Variants in LSAMP observed in about 807,000 individuals in gnomAD.
The protein encoded by LSAMP is limbic system associated membrane protein, also known as limbic system-associated membrane protein.
In LSAMP, 7 loss-of-function variants were observed where a neutral mutation model predicts 38.6. The observed-to-expected ratio is 0.18, with a 90% CI of 0.10 to 0.34. The LOEUF is 0.34. Ranked by LOEUF, LSAMP falls within the 10% of genes least tolerant of loss-of-function variation. LSAMP has a pLI of 1.00. For missense variants in LSAMP, 313 were observed against 420.0 expected (o/e 0.75, Z 2.23); for synonymous variants, 154 against 166.8 (o/e 0.92, Z 0.59).
At chr3:116,153,108 A>C (rs756648791) in intron 1 of LSAMP, among the ~76,000 whole-genome samples, 1 of 152,158 alleles carries the variant, frequency 6.6e-6, no homozygotes, top group Non-Finnish European at 1.5e-5. Context: ...TAGTAGAATG[A>C]AAGTATAAAC....
At chr3:116,218,397 G>A (rs2046245215) in intron 1 of LSAMP, among the ~76,000 whole-genome samples, 1 of 152,060 alleles carries the variant, frequency 6.6e-6, no homozygotes. Context: ...TTTTTTCCTG[G>A]TTATTTGTCA....
intron 1 of LSAMP, among the ~76,000 whole-genome samples, chr3:116,349,976 A>G (rs1233502253): frequency 1.3e-5 from 2 of 152,072 alleles, no homozygotes; most frequent in African/African-American, 2.4e-5. Flanking sequence ...AAGTTGTTGA[A>G]TGTATTACAT....
intron 1 of LSAMP, among the ~76,000 whole-genome samples, chr3:116,178,243 T>C (rs1290104192): frequency 1.3e-5 from 2 of 152,218 alleles, no homozygotes; most frequent in African/African-American, 4.8e-5. Flanking sequence ...CTCAGCTTAC[T>C]GCAACCTCTG....
At chr3:116,038,469 A>T (rs1576324727) in intron 2 of LSAMP, among the ~76,000 whole-genome samples, 1 of 152,160 alleles carries the variant, frequency 6.6e-6, no homozygotes, top group African/African-American at 2.4e-5. Context: ...GGTGACCAGC[A>T]ACTTTTATTT....
At chr3:116,098,036 G>GA (rs1708262062) in intron 1 of LSAMP, among the ~76,000 whole-genome samples, 1 of 151,892 alleles carries the variant, frequency 6.6e-6, no homozygotes, top group Non-Finnish European at 1.5e-5. Flanking sequence ...CACCTGGCCA[G>GA]AAGTCTTTAT....
At chr3:115,870,382 T>C (rs1935998730) in intron 3 of LSAMP, among the ~76,000 whole-genome samples, 1 of 152,130 alleles carries the variant, frequency 6.6e-6, no homozygotes, top group Non-Finnish European at 1.5e-5. Flanking sequence ...AGAAGTAACA[T>C]TCTATGACCT....
chr3:115,860,734 A>G (rs1370546567), intron 3 of LSAMP, among the ~76,000 whole-genome samples: 1 of 152,240 alleles, frequency 6.6e-6, no homozygotes, highest in East Asian at 1.9e-4. Flanking sequence ...GGAGCTACAG[A>G]GACAGTGTAG....
At chr3:115,869,610 A>G (rs1935968658) in intron 3 of LSAMP, among the ~76,000 whole-genome samples, 1 of 152,116 alleles carries the variant, frequency 6.6e-6, no homozygotes. Context: ...TTTACTTTTG[A>G]ATATGATGAA....
chr3:115,940,047 G>T (rs1048945932), intron 3 of LSAMP, among the ~76,000 whole-genome samples: 2 of 152,122 alleles, frequency 1.3e-5, no homozygotes, highest in African/African-American at 4.8e-5. Context: ...GACCTTCGCA[G>T]TGAGTGTTAC....
intron 1 of LSAMP, among the ~76,000 whole-genome samples, chr3:116,193,663 G>A (rs918528819): frequency 6.6e-6 from 1 of 152,116 alleles, no homozygotes; most frequent in Non-Finnish European, 1.5e-5. Flanking sequence ...ATTGAAACAA[G>A]CTCAAATTCA....
chr3:115,926,065 G>GT (rs774005552), intron 3 of LSAMP, among the ~76,000 whole-genome samples: 21 of 152,122 alleles, frequency 1.4e-4, no homozygotes, highest in Non-Finnish European at 2.6e-4. Context: ...AAAAAAACAT[G>GT]TAAGGGAGTT....
intron 3 of LSAMP, among the ~76,000 whole-genome samples, chr3:115,861,345 T>A (rs1322159019): frequency 6.6e-6 from 1 of 152,044 alleles, no homozygotes; most frequent in Non-Finnish European, 1.5e-5. Flanking sequence ...AGTACTAACG[T>A]GTATTTTGAT....
At chr3:116,209,126 G>A (rs570550680) in intron 1 of LSAMP, among the ~76,000 whole-genome samples, 64 of 152,330 alleles carry the variant, frequency 4.2e-4, no homozygotes, top group African/African-American at 1.4e-3. Context: ...AAGCCGGTCC[G>A]AAAAGCGCAG....
intron 1 of LSAMP, among the ~76,000 whole-genome samples, chr3:116,123,496 A>C (rs930641917): frequency 2.1e-4 from 32 of 152,264 alleles, no homozygotes; most frequent in African/African-American, 7.5e-4. Context: ...ATGATGTAGA[A>C]GGAAGTTTGG....
chr3:116,408,217 G>C (rs1048432815), intron 1 of LSAMP, among the ~76,000 whole-genome samples: 7 of 152,014 alleles, frequency 4.6e-5, no homozygotes, highest in Admixed American at 6.6e-5. Flanking sequence ...TGGAAAATGT[G>C]ATTTATATAA....
intron 1 of LSAMP, among the ~76,000 whole-genome samples, chr3:116,412,227 G>T (rs1424567277): frequency 6.6e-6 from 1 of 151,984 alleles, no homozygotes; most frequent in Non-Finnish European, 1.5e-5. Flanking sequence ...CCAATAGCCA[G>T]AATGAACATG....
intron 3 of LSAMP, among the ~76,000 whole-genome samples, chr3:115,868,566 A>T (rs1935925846): frequency 6.6e-6 from 1 of 152,072 alleles, no homozygotes; most frequent in African/African-American, 2.4e-5. Context: ...AGGAACATGG[A>T]ATTTTCCCCT....
chr3:115,898,436 T>C (rs1331260372), intron 3 of LSAMP, among the ~76,000 whole-genome samples: 2 of 152,004 alleles, frequency 1.3e-5, no homozygotes, highest in African/African-American at 4.8e-5. Flanking sequence ...CAGATTTTTC[T>C]TTTTGTTTTG....
rs1234185257 is a variant in LSAMP, at chr3:116,025,084, TTTTTCAAAATCACTGTAATATTGA to T, written c.389-5468_389-5445del. Among the ~76,000 whole-genome samples the T allele has an allele frequency of 3.7e-4, 56 of 152,042 alleles. 1 individual carries two copies. The highest frequency in any genetic ancestry group is 1.3e-4 in the Non-Finnish European group (9 of 67,938). On this transcript the variant is annotated intron_variant, in intron 2 of 6. Transcript: ENST00000490035. ...GAATCAGCAAATGTTAAGTTTTTTA[TTTTTCAAAATCACTGTAATATTGA>T]TTTATGCTGAATTATTGCAGCATTG...
Sources: allele counts gnomAD v4.1 joint callset (sites outside exome capture counted in the v4.1 genomes callset), GRCh38; gene constraint gnomAD v4.1.1; transcripts MANE v1.5; gene names NCBI Gene and HGNC (gene_info 2026-07-23, HGNC 2026-07-21).